SORCS2: variants seen among roughly 807,000 people sequenced by gnomAD.
The protein encoded by SORCS2 is VPS10 domain-containing receptor SorCS2.
In SORCS2, 100 loss-of-function variants were observed where a neutral mutation model predicts 141.6. The ratio of observed to expected loss-of-function variants is 0.71; its 90% CI spans 0.60 to 0.83. The LOEUF (loss-of-function observed/expected upper bound fraction) is 0.83, where lower values mean the gene tolerates loss of function less well. SORCS2 is among the 40% of genes least tolerant of loss of function. SORCS2 has a pLI of 0.00. For synonymous variants in SORCS2, 789 were observed against 676.9 expected, an observed-to-expected ratio of 1.17 and a Z score of -2.57; for missense variants, 1,646 against 1,560.2, an observed-to-expected ratio of 1.05 and a Z score of -0.93.
At chr4:7,607,174 G>T (rs937305918) in intron 3 of SORCS2, among the ~76,000 whole-genome samples, 1 of 152,202 alleles carries the variant, frequency 6.6e-6, no homozygotes, top group African/African-American at 2.4e-5. Flanking sequence ...GAAGCTGCAG[G>T]TTCCCACCTT....
chr4:7,512,591 C>G (rs1318499245), intron 2 of SORCS2, among the ~76,000 whole-genome samples: 1 of 152,072 alleles, frequency 6.6e-6, no homozygotes, highest in African/African-American at 2.4e-5. Context: ...GGCCCCCAGA[C>G]TCCATCCTTA....
chr4:7,553,985 G>GA (rs778514595), intron 3 of SORCS2, among the ~76,000 whole-genome samples: 89 of 152,296 alleles, frequency 5.8e-4, no homozygotes, highest in Admixed American at 8.5e-4. Flanking sequence ...CACATTGCTG[G>GA]AAAAGAACAT....
chr4:7,274,988 G>C (rs972992377), intron 1 of SORCS2, among the ~76,000 whole-genome samples: 20 of 152,072 alleles, frequency 1.3e-4, no homozygotes, highest in Non-Finnish European at 2.8e-4. Context: ...CAAGATGATG[G>C]GTGTATCAGC....
intron 1 of SORCS2, among the ~76,000 whole-genome samples, chr4:7,196,928 G>C (rs1043594407): frequency 3.9e-5 from 6 of 152,216 alleles, no homozygotes; most frequent in Non-Finnish European, 2.9e-5. Flanking sequence ...AAGTTTGCGT[G>C]AGAATTCCAT....
chr4:7,584,977 T>A (rs939812962), intron 3 of SORCS2, among the ~76,000 whole-genome samples: 2 of 152,244 alleles, frequency 1.3e-5, no homozygotes, highest in Non-Finnish European at 2.9e-5. Context: ...AATCTCTTGT[T>A]GTGATTCCCG....
intron 2 of SORCS2, among the ~76,000 whole-genome samples, chr4:7,522,505 G>A (rs1464296162): frequency 6.6e-6 from 1 of 152,210 alleles, no homozygotes; most frequent in Non-Finnish European, 1.5e-5. Context: ...AGAACTTGGT[G>A]ATGGTGCAGC....
chr4:7,262,925 C>G (rs1268490105), intron 1 of SORCS2, among the ~76,000 whole-genome samples: 1 of 152,224 alleles, frequency 6.6e-6, no homozygotes, highest in Non-Finnish European at 1.5e-5. Context: ...CAATGTGGGA[C>G]CTCGTGGTCC....
intron 3 of SORCS2, among the ~76,000 whole-genome samples, chr4:7,594,492 T>A (rs1006346902): frequency 6.6e-6 from 1 of 152,242 alleles, no homozygotes; most frequent in African/African-American, 2.4e-5. Context: ...TCCTTGGCAC[T>A]GTCCTGCCTG....
rs76058649 is a variant in SORCS2, at chr4:7,599,767, T to G, written c.649-38561T>G. ...AGGTGTGGGCTGGGTGTGCAGGGCG[T>G]GGGATCTTTGCCCTAGAGCTTCATC... On this transcript the variant is annotated intron_variant, in intron 3 of 26. Coordinates refer to ENST00000507866, the MANE Select transcript of SORCS2 (RefSeq NM_020777.3). Among the ~76,000 whole-genome samples the G allele has an allele frequency of 4.8e-4, 73 of 151,224 alleles. No individual in the cohort carries two copies. The East Asian group carries it at 0.014, about 29-fold the overall frequency.
At chr4:7,261,562 C>G (rs1278732854) in intron 1 of SORCS2, among the ~76,000 whole-genome samples, 1 of 152,240 alleles carries the variant, frequency 6.6e-6, no homozygotes, top group Non-Finnish European at 1.5e-5. Flanking sequence ...AACAATCCCT[C>G]AAAAGCCCTG....
intron 11 of SORCS2, among the ~76,000 whole-genome samples, chr4:7,690,328 C>CGGGT (rs1236359366): frequency 1.7e-5 from 1 of 58,578 alleles, no homozygotes; most frequent in Non-Finnish European, 3.8e-5. Flanking sequence ...GATAGGTGGA[C>CGGGT]GGGTGGGTGG....
rs138923338 is a variant in SORCS2, at chr4:7,721,706, G to A, written c.2425-1991G>A. 2.5e-3 allele frequency among the ~76,000 whole-genome samples: 378 copies of A among 152,302 alleles called. 1 individual carries two copies. Among genetic ancestry groups the A allele is most frequent in the African/African-American group, 8.9e-3 (369 of 41,558 alleles). On this transcript the variant is annotated intron_variant, in intron 18 of 26. Coordinates refer to ENST00000507866, the MANE Select transcript of SORCS2 (RefSeq NM_020777.3). The stretch of plus-strand genomic sequence containing the variant: ...GTGGGTGTGTCTGCAAAGGGCACCC[G>A]GTGGGGTCCTAGTGCTGGCTGAATT...
chr4:7,568,583 G>C (rs1434300290), intron 3 of SORCS2, among the ~76,000 whole-genome samples: 2 of 152,112 alleles, frequency 1.3e-5, no homozygotes, highest in Non-Finnish European at 2.9e-5. Flanking sequence ...ACTTTGCAAA[G>C]AGTTGGTATC....
chr4:7,728,839 A>C (rs1727405347), intron 22 of SORCS2, among the ~76,000 whole-genome samples: 1 of 152,168 alleles, frequency 6.6e-6, no homozygotes, highest in South Asian at 2.1e-4. Flanking sequence ...CAAGACAGAG[A>C]GAAGAACCCA....
intron 1 of SORCS2, among the ~76,000 whole-genome samples, chr4:7,295,592 C>T (rs542329598): frequency 3.7e-4 from 57 of 152,318 alleles, no homozygotes; most frequent in African/African-American, 1.0e-3. Context: ...GGCTGGACTC[C>T]AGCCTCACGT....
At chr4:7,380,974 C>T (rs796120442) in intron 1 of SORCS2, among the ~76,000 whole-genome samples, 33 of 150,742 alleles carry the variant, frequency 2.2e-4, no homozygotes, top group African/African-American at 7.6e-4. Flanking sequence ...CCCAGCTACT[C>T]GGGAGGCTGA....
At chr4:7,291,391 C>T (rs1716594128) in intron 1 of SORCS2, among the ~76,000 whole-genome samples, 1 of 152,144 alleles carries the variant, frequency 6.6e-6, no homozygotes, top group African/African-American at 2.4e-5. Context: ...CTGCCACCCA[C>T]ATCAGTGCTG....
chr4:7,456,776 G>A (rs1445168404), intron 2 of SORCS2, among the ~76,000 whole-genome samples: 1 of 152,150 alleles, frequency 6.6e-6, no homozygotes, highest in Non-Finnish European at 1.5e-5. Flanking sequence ...TGTGGCAGGG[G>A]TAGGGGGGTG....
At chr4:7,304,488 T>A (rs1269758072) in intron 1 of SORCS2, among the ~76,000 whole-genome samples, 1 of 152,186 alleles carries the variant, frequency 6.6e-6, no homozygotes, top group Non-Finnish European at 1.5e-5. Flanking sequence ...CTGCCTCCCG[T>A]CCATCCAGTG....
Sources: allele counts gnomAD v4.1 joint callset (sites outside exome capture counted in the v4.1 genomes callset), GRCh38; gene constraint gnomAD v4.1.1; transcripts MANE v1.5; gene names NCBI Gene and HGNC (gene_info 2026-07-23, HGNC 2026-07-21).